Variants in USH2A observed in about 807,000 individuals in gnomAD.
USH2A encodes the protein usherin.
USH2A carries 443 observed loss-of-function variants against 538.9 expected under a neutral mutation model. The ratio of observed to expected loss-of-function variants is 0.82; its 90% CI spans 0.76 to 0.89. The LOEUF (loss-of-function observed/expected upper bound fraction) is 0.89, where lower values mean the gene tolerates loss of function less well. Among genes scored for constraint, USH2A ranks in the 40% least tolerant of loss-of-function variants. The probability of loss-of-function intolerance (pLI) is 0.00; values close to 1 mark genes in which losing one functional copy is unlikely to be tolerated. For synonymous variants in USH2A, 2,413 were observed against 2,273.5 expected (o/e 1.06, Z -1.75); for missense variants, 6,633 against 6,324.8 (o/e 1.05, Z -1.65).
chr1:216,046,520 T>G lies in USH2A; in HGVS notation c.6236A>C (p.Lys2079Thr), dbSNP rs147039836. ...SSLLLSWNPP[K>T]KANGIITQYC... Reference sequence around the variant, plus strand: ...CTGAGTTATAATACCATTTGCCTTTTTGGGTGGGTTCCAGGAGAGCAGCAA... The same window carrying G: ...CTGAGTTATAATACCATTTGCCTTTGTGGGTGGGTTCCAGGAGAGCAGCAA... The change falls in exon 32 of 72, where the codon AAA (lysine) becomes ACA (threonine). Residue 2079 changes from lysine to threonine, a missense_variant. Transcript: ENST00000307340. 711 of 1,613,896 alleles carry G rather than the reference T, an allele frequency of 4.4e-4. 3 individuals carry two copies. The African/African-American group carries it at 8.5e-3, about 19-fold the overall frequency.
chr1:215,630,026 C>T, intron 70 of USH2A: 3 of 484,966 alleles, frequency 6.2e-6, no homozygotes, highest in Non-Finnish European at 8.2e-6. Flanking sequence ...CCGCCCGCCT[C>T]GGCCTCCCAT....
chr1:216,196,760 G>A (rs775517668), intron 18 of USH2A, 38 bp from the exon 19 acceptor site: 1 of 1,594,796 alleles, frequency 6.3e-7, no homozygotes, highest in Non-Finnish European at 8.6e-7. Flanking sequence ...TCAAAACAAT[G>A]AATGTCGTCC....
At chr1:215,953,325 G>A (rs900908668) in intron 37 of USH2A, among the ~76,000 whole-genome samples, 2 of 152,150 alleles carry the variant, frequency 1.3e-5, no homozygotes, top group Non-Finnish European at 2.9e-5. Flanking sequence ...AGACTACAAG[G>A]CTACAGTAAC....
At chr1:215,955,980 G>A (rs1472125470) in intron 37 of USH2A, among the ~76,000 whole-genome samples, 1 of 152,174 alleles carries the variant, frequency 6.6e-6, no homozygotes, top group Non-Finnish European at 1.5e-5. Context: ...ATTCCTTGCT[G>A]TAGGGTGTGT....
intron 14 of USH2A, among the ~76,000 whole-genome samples, chr1:216,222,578 A>G (rs1441078856): frequency 2.0e-5 from 3 of 152,192 alleles, no homozygotes; most frequent in African/African-American, 2.4e-5. Flanking sequence ...GTCCTTATAA[A>G]GGAAGGCAGG....
intron 15 of USH2A, among the ~76,000 whole-genome samples, chr1:216,208,292 T>C (rs1391591712): frequency 6.6e-6 from 1 of 152,020 alleles, no homozygotes; most frequent in African/African-American, 2.4e-5. Flanking sequence ...AGATGCACAA[T>C]CCCCCATCCA....
chr1:216,245,075 T>C (rs970323552), intron 13 of USH2A, among the ~76,000 whole-genome samples: 2 of 152,124 alleles, frequency 1.3e-5, no homozygotes, highest in African/African-American at 4.8e-5. Context: ...CATCTCATCT[T>C]AGGATATCAA....
intron 28 of USH2A, 45 bp from the exon 29 acceptor site, chr1:216,073,014 T>C (rs764132241): frequency 5.2e-5 from 84 of 1,610,470 alleles, no homozygotes; most frequent in Middle Eastern, 1.6e-4. Context: ...AATACTCATA[T>C]AGATTAATGA....
intron 22 of USH2A, among the ~76,000 whole-genome samples, chr1:216,093,713 G>A (rs2032362319): frequency 6.6e-6 from 1 of 152,182 alleles, no homozygotes; most frequent in South Asian, 2.1e-4. Context: ...CCCATGTTTG[G>A]TAGGGGGGTG....
chr1:215,783,652 C>T (rs916170166), intron 52 of USH2A, among the ~76,000 whole-genome samples: 4 of 152,286 alleles, frequency 2.6e-5, no homozygotes, highest in African/African-American at 7.2e-5. Context: ...TTAATAACTT[C>T]GGAAATACCA....
chr1:215,859,302 A>G (rs2102433215), intron 44 of USH2A, among the ~76,000 whole-genome samples: 1 of 152,232 alleles, frequency 6.6e-6, no homozygotes, highest in South Asian at 2.1e-4. Context: ...TGGAAGGCCG[A>G]GGCGGGAGGA....
At chr1:216,383,091 A>C (rs1056333742) in intron 3 of USH2A, among the ~76,000 whole-genome samples, 1 of 152,200 alleles carries the variant, frequency 6.6e-6, no homozygotes, top group Non-Finnish European at 1.5e-5. Flanking sequence ...AACCTGTAAG[A>C]ATCTCACTCA....
intron 69 of USH2A, among the ~76,000 whole-genome samples, chr1:215,638,417 C>T (rs1241029729): frequency 3.3e-5 from 5 of 151,432 alleles, no homozygotes; most frequent in Non-Finnish European, 2.9e-5. Flanking sequence ...GTCAGGAGTT[C>T]GAGACCTCCC....
At chr1:216,181,786 A>C (rs2102647183) in intron 20 of USH2A, among the ~76,000 whole-genome samples, 1 of 152,228 alleles carries the variant, frequency 6.6e-6, no homozygotes, top group Admixed American at 6.5e-5. Flanking sequence ...GCATCGTAAC[A>C]CTTGCTTCTC....
At chr1:215,753,552 A>G (rs1660687645) in intron 58 of USH2A, among the ~76,000 whole-genome samples, 1 of 152,116 alleles carries the variant, frequency 6.6e-6, no homozygotes, top group Non-Finnish European at 1.5e-5. Flanking sequence ...TCGGCAAACT[A>G]TCACAAGGAC....
intron 35 of USH2A, among the ~76,000 whole-genome samples, chr1:215,977,742 A>C (rs956655738): frequency 6.6e-6 from 1 of 152,078 alleles, no homozygotes; most frequent in Non-Finnish European, 1.5e-5. Context: ...CGAACTCCTG[A>C]CCTTGTGATC....
intron 11 of USH2A, among the ~76,000 whole-genome samples, chr1:216,279,106 T>C (rs2036723494): frequency 6.6e-6 from 1 of 152,204 alleles, no homozygotes; most frequent in Non-Finnish European, 1.5e-5. Flanking sequence ...TAATCATTTA[T>C]TTCTGTTCTG....
At chr1:216,021,473 A>G (rs556055997) in intron 32 of USH2A, among the ~76,000 whole-genome samples, 13 of 152,284 alleles carry the variant, frequency 8.5e-5, no homozygotes, top group Non-Finnish European at 1.8e-4. Flanking sequence ...CATGTGGAAC[A>G]GTGAGTCAAT....
intron 32 of USH2A, among the ~76,000 whole-genome samples, chr1:216,024,321 T>C (rs1668913043): frequency 6.6e-6 from 1 of 151,954 alleles, no homozygotes; most frequent in African/African-American, 2.4e-5. Flanking sequence ...ATAGGAAGAG[T>C]ATATTATTTA....
Sources: allele counts gnomAD v4.1 joint callset (sites outside exome capture counted in the v4.1 genomes callset), GRCh38; gene constraint gnomAD v4.1.1; transcripts MANE v1.5; gene names NCBI Gene and HGNC (gene_info 2026-07-23, HGNC 2026-07-21).